Variants in ZNF71 observed in about 807,000 individuals in gnomAD.
ZNF71 encodes the protein endothelial zinc finger protein induced by tumor necrosis factor alpha.
ZNF71 carries 3 observed loss-of-function variants against 6.7 expected under a neutral mutation model. The observed-to-expected ratio is 0.45, with a 90% CI of 0.20 to 1.16. ZNF71 has a LOEUF of 1.16. ZNF71 is among the 50% of genes most tolerant of loss of function. ZNF71 has a pLI of 0.25. For missense variants in ZNF71, 688 were observed against 728.6 expected (o/e 0.94, Z 0.64); for synonymous variants, 343 against 311.1 (o/e 1.10, Z -1.08).
chr19:56,597,647 G>C (rs747016309), intron 1 of ZNF71, among the ~76,000 whole-genome samples: 1 of 152,240 alleles, frequency 6.6e-6, no homozygotes, highest in Non-Finnish European at 1.5e-5. Flanking sequence ...TCGCAGAGGC[G>C]ACCTGATACT....
intron 2 of ZNF71, among the ~76,000 whole-genome samples, chr19:56,611,302 G>A (rs2110622): frequency 0.69 from 105,152 of 151,812 alleles, 36,872 homozygotes; most frequent in East Asian, 1. Context: ...ATTACCTGCC[G>A]CTCTGGGTGG....
rs2044846044 is a variant in ZNF71 at position 56,621,399 on chromosome 19, G to T, written c.292G>T (p.Val98Leu). 1 of 1,611,882 alleles carries T rather than the reference G, an allele frequency of 6.2e-7. No homozygotes were observed. Among genetic ancestry groups the T allele is most frequent in the Non-Finnish European group, 8.5e-7 (1 of 1,178,680 alleles). Residue 98 changes from valine (V) to leucine (L), a missense_variant, in exon 4 of 4, where the codon GTG (valine) becomes TTG (leucine). Coordinates refer to ENST00000599599, the MANE Select transcript of ZNF71 (RefSeq NM_001370215.1). Reference protein sequence around the residue: ...NGARGPGSEGVWEPGSWPERP... With the variant: ...NGARGPGSEGLWEPGSWPERP... ...TGCCAGGGGTCCTGGCTCAGAAGGA[G>T]TGTGGGAACCAGGCAGCTGGCCAGA...
Position 56,598,681 on chromosome 19 carries a change from C to T in ZNF71, c.-52-2826C>T, listed in dbSNP as rs1471307301. Among the ~76,000 whole-genome samples the T allele has an allele frequency of 6.6e-6, 1 of 152,174 alleles. No homozygotes were observed. The highest frequency in any genetic ancestry group is 1.5e-5 in the Non-Finnish European group (1 of 68,030). Reference sequence around the variant, plus strand: ...ATCCCCAGTCTCTACCAACTAAACGCCCATAGCACTCCCCTGCCAAATTAT... The same window carrying T: ...ATCCCCAGTCTCTACCAACTAAACGTCCATAGCACTCCCCTGCCAAATTAT... On this transcript the variant is annotated intron_variant, in intron 1 of 3. Transcript: ENST00000599599. The surrounding 1 kb of genome is among the most constrained non-coding windows in gnomAD (Gnocchi z 4.2).
At chr19:56,602,904 T>C (rs922986025) in intron 2 of ZNF71, among the ~76,000 whole-genome samples, 12 of 152,348 alleles carry the variant, frequency 7.9e-5, no homozygotes, top group Non-Finnish European at 1.3e-4. Context: ...AAAGGGTTTC[T>C]CCATCCACAG....
At chr19:56,596,912 CAA>C (rs2148001049) in intron 1 of ZNF71, among the ~76,000 whole-genome samples, 1 of 152,154 alleles carries the variant, frequency 6.6e-6, no homozygotes, top group South Asian at 2.1e-4. Context: ...AAGGAAATGC[CAA>C]AAAGCTCAGA....
chr19:56,596,827 C>T (rs147354891), intron 1 of ZNF71, among the ~76,000 whole-genome samples: 11 of 152,036 alleles, frequency 7.2e-5, no homozygotes, highest in African/African-American at 2.4e-4. Flanking sequence ...TTTCCCTTTC[C>T]GCTCAGCTGA....
intron 2 of ZNF71, among the ~76,000 whole-genome samples, chr19:56,606,194 G>A (rs1006041286): frequency 1.3e-5 from 2 of 152,180 alleles, no homozygotes; most frequent in African/African-American, 4.8e-5. Flanking sequence ...CCAATACCAT[G>A]TCTGTCTTAT....
rs77926443 is a variant in ZNF71 at position 56,595,798 on chromosome 19, G to T, written c.-53+370G>T. 3.4e-3 allele frequency among the ~76,000 whole-genome samples: 511 copies of T among 151,788 alleles called. 3 individuals carry two copies. The highest frequency in any genetic ancestry group is 0.012 in the African/African-American group (484 of 41,390). On this transcript the variant is annotated intron_variant, in intron 1 of 3. Coordinates refer to ENST00000599599, the MANE Select transcript of ZNF71 (RefSeq NM_001370215.1). ...TCTGTATGTGTGTGTGAGACAGATT[G>T]TGTCGTCCTGAGGGTATGGCTGTGT...
At position 56,618,069 on chromosome 19, in the gene ZNF71, C is replaced by T. The variant is rs1360848417; in HGVS notation, c.161-3199C>T. Among the ~76,000 whole-genome samples, 1 of 152,198 alleles carries T rather than the reference C, an allele frequency of 6.6e-6. No homozygotes were observed. Among genetic ancestry groups the T allele is most frequent in the Non-Finnish European group, 1.5e-5 (1 of 68,026 alleles). ...GTGCCAGCATCTGGGCATTGTGCCA[C>T]ACCCTGACTAGGGTCTCTAAACCAC... is the stretch of plus-strand genomic sequence containing the variant. On this transcript the variant is annotated intron_variant, in intron 3 of 3. Transcript: ENST00000599599. The surrounding 1 kb of genome is among the most constrained non-coding windows in gnomAD (Gnocchi z 4.6).
rs1473649683 is a variant in ZNF71 at position 56,618,863 on chromosome 19, G to T, written c.161-2405G>T. ...CAGTACCGTAGGGAGGTCACGGGAGGGTTGATCTGACTCCTCAGAAGACCG... is the reference window on the plus strand; with the variant it reads ...CAGTACCGTAGGGAGGTCACGGGAGTGTTGATCTGACTCCTCAGAAGACCG... On this transcript the variant is annotated intron_variant, in intron 3 of 3. Transcript: ENST00000599599. The surrounding 1 kb of genome is among the most constrained non-coding windows in gnomAD (Gnocchi z 4.6). Among the ~76,000 whole-genome samples the T allele has an allele frequency of 6.6e-6, 1 of 152,162 alleles. No homozygotes were observed. The highest frequency in any genetic ancestry group is 1.9e-4 in the East Asian group (1 of 5,180).
chr19:56,614,870 T>C (rs2044778558), intron 3 of ZNF71, among the ~76,000 whole-genome samples: 1 of 152,174 alleles, frequency 6.6e-6, no homozygotes, highest in African/African-American at 2.4e-5. Flanking sequence ...CCTCCTTTAT[T>C]ACCCCTCTCT....
chr19:56,600,537 C>T (rs1316037033), intron 1 of ZNF71, among the ~76,000 whole-genome samples: 1 of 151,640 alleles, frequency 6.6e-6, no homozygotes, highest in Non-Finnish European at 1.5e-5. Context: ...CCCCACATTC[C>T]CCCCACCCTT....
chr19:56,617,556 A>G (rs1159326693), intron 3 of ZNF71, among the ~76,000 whole-genome samples: 1 of 152,250 alleles, frequency 6.6e-6, no homozygotes, highest in Non-Finnish European at 1.5e-5. Context: ...AAAAGGAATG[A>G]ATAGCGTTTT....
chr19:56,600,903 A>G (rs1018394974), intron 1 of ZNF71, among the ~76,000 whole-genome samples: 4 of 151,862 alleles, frequency 2.6e-5, no homozygotes, highest in African/African-American at 9.7e-5. Flanking sequence ...AGTTCCTTAC[A>G]CTCATATCTG....
At position 56,621,579 on chromosome 19, in the gene ZNF71, G is replaced by GA. The variant is rs760100841; in HGVS notation, c.476dup (p.Ala161GlyfsTer19). 2.5e-6 allele frequency: 4 copies of GA among 1,614,100 alleles called. No homozygotes were observed. The African/African-American group carries it at 5.3e-5, about 22-fold the overall frequency. The stretch of plus-strand genomic sequence containing the variant: ...CCCACCACGGCTGGACGACCCCACA[G>GA]AAAAGGGGGCCTGTCCACCCGTAAG... On this transcript the variant is annotated frameshift_variant, in exon 4 of 4. Transcript: ENST00000599599. LOFTEE classifies it low-confidence loss of function (END_TRUNC).
rs1568506924 is a variant in ZNF71 at position 56,613,724 on chromosome 19, C to T, written c.34-88C>T. On this transcript the variant is annotated intron_variant, in intron 2 of 3. Transcript: ENST00000599599. The surrounding 1 kb of genome is among the most constrained non-coding windows in gnomAD (Gnocchi z 4.6). ...ACTTCAGCTACATCCCATCTGCCTC[C>T]CCTAAATCCTCTTGGCTTTTCTGGC... The T allele has an allele frequency of 9.8e-7, 1 of 1,023,864 alleles. No individual in the cohort carries two copies. The highest frequency in any genetic ancestry group is 1.2e-6 in the Non-Finnish European group (1 of 836,776). The allele number at this position is 1,023,864 out of a possible 1,614,324, so 63.4% of individuals were successfully genotyped here. A position where few individuals can be genotyped will look rare whatever the true frequency, so the allele number is the denominator to read the frequency against.
At position 56,622,060 on chromosome 19, in the gene ZNF71, T is replaced by G. The variant is rs879041857; in HGVS notation, c.953T>G (p.Ile318Ser). ...GCCTTCAGCCAGAACATGCACCTCA[T>G]CGTGCACCAGCGCACGCACACCGGG... ...GKAFSQNMHL[I>S]VHQRTHTGEK... The change falls in exon 4 of 4, where the codon ATC (isoleucine) becomes AGC (serine). Residue 318 changes from isoleucine to serine, a missense_variant. By Grantham distance (142) the Ile-to-Ser change is moderately radical. Coordinates refer to ENST00000599599, the MANE Select transcript of ZNF71 (RefSeq NM_001370215.1). 1 of 1,604,130 alleles carries G rather than the reference T, an allele frequency of 6.2e-7. No individual in the cohort carries two copies. The highest frequency in any genetic ancestry group is 1.7e-5 in the Admixed American group (1 of 59,190).
chr19:56,595,313 A>C lies in ZNF71; in HGVS notation c.-168A>C, dbSNP rs1168685243. On this transcript the variant is annotated 5_prime_UTR_variant, in exon 1 of 4. Transcript: ENST00000599599. ...TAGCGGGCGCGGTCATTGTCCTGGCAGAGCGGCGAGCCGGTGAGTGTGGCT... is the reference window on the plus strand; with the variant it reads ...TAGCGGGCGCGGTCATTGTCCTGGCCGAGCGGCGAGCCGGTGAGTGTGGCT... 2.0e-5 allele frequency: 3 copies of C among 152,476 alleles called. No homozygotes were observed. In the East Asian group the frequency reaches 5.8e-4, roughly 29 times the overall value. 9.4% of individuals were successfully genotyped at this position (152,476 alleles called of 1,614,324 possible). A position where few individuals can be genotyped will look rare whatever the true frequency, so the allele number is the denominator to read the frequency against.
intron 2 of ZNF71, among the ~76,000 whole-genome samples, chr19:56,610,986 A>C (rs1448842181): frequency 6.6e-6 from 1 of 152,248 alleles, no homozygotes; most frequent in African/African-American, 2.4e-5. Flanking sequence ...GTCTATTGTG[A>C]ATAGTGCTGT....
Sources: gnomAD v4.1 joint callset for allele counts (sites outside exome capture counted in the v4.1 genomes callset) on GRCh38, gnomAD v4.1.1 for gene constraint, Gnocchi (gnomAD v3.1) non-coding constraint, MANE v1.5 for transcripts, NCBI Gene and HGNC (gene_info 2026-07-23, HGNC 2026-07-21) for gene names.